Variants in ULK2 observed in about 807,000 individuals in gnomAD.
The protein encoded by ULK2 is unc-51 like autophagy activating kinase 2, also known as serine/threonine-protein kinase ULK2.
ULK2 carries 76 observed loss-of-function variants against 127.5 expected under a neutral mutation model. The ratio of observed to expected loss-of-function variants is 0.60; its 90% CI spans 0.50 to 0.72. ULK2 has a LOEUF of 0.72. Among genes scored for constraint, ULK2 ranks in the 30% least tolerant of loss-of-function variants. The pLI is 0.00. For synonymous variants in ULK2, 452 were observed against 461.9 expected, an observed-to-expected ratio of 0.98 and a Z score of 0.28; for missense variants, 1,144 against 1,295.9, an observed-to-expected ratio of 0.88 and a Z score of 1.80.
intron 14 of ULK2, among the ~76,000 whole-genome samples, chr17:19,807,141 C>A (rs2087531888): frequency 6.6e-6 from 1 of 152,210 alleles, no homozygotes; most frequent in Admixed American, 6.5e-5. Flanking sequence ...GAAACTCAAT[C>A]TAGCAGACTA....
chr17:19,863,115 G>A (rs566688693), intron 3 of ULK2, among the ~76,000 whole-genome samples: 1 of 152,122 alleles, frequency 6.6e-6, no homozygotes, highest in South Asian at 2.1e-4. Context: ...TTGGGAGACT[G>A]AGGCACAAGA....
In ULK2 at chr17:19,850,080, C is replaced by G. The variant is rs1247335235; in HGVS notation, c.226-306G>C. 3.3e-5 allele frequency among the ~76,000 whole-genome samples: 5 copies of G among 152,198 alleles called. No homozygotes were observed. The East Asian group carries it at 5.8e-4, about 18-fold the overall frequency. On this transcript the variant is annotated intron_variant, in intron 3 of 26. Coordinates refer to ENST00000395544, the MANE Select transcript of ULK2 (RefSeq NM_014683.4). Reference sequence around the variant, plus strand: ...AAAACAACAGATCTAGGACAAAAAGCATGGTAAATTTACAATGGGGAAAAA... The same window carrying G: ...AAAACAACAGATCTAGGACAAAAAGGATGGTAAATTTACAATGGGGAAAAA...
rs1233894423 is a variant in ULK2 at position 19,840,410 on chromosome 17, T to A, written c.704+1079A>T. The A allele has an allele frequency of 3.4e-5, 17 of 504,074 alleles. No homozygotes were observed. In the Admixed American group the frequency reaches 4.0e-4, roughly 12 times the overall value. The allele number at this position is 504,074 out of a possible 1,614,324, so 31.2% of individuals were successfully genotyped here. On this transcript the variant is annotated intron_variant, in intron 9 of 26. Coordinates refer to ENST00000395544, the MANE Select transcript of ULK2 (RefSeq NM_014683.4). ...CACTCTTGGGCGCTCTGTGTGCATT[T>A]GGGCCCCTCTTCTTCTGGTATTGTG... is the stretch of plus-strand genomic sequence containing the variant.
chr17:19,853,428 G>A (rs898046350), intron 3 of ULK2, among the ~76,000 whole-genome samples: 12 of 151,272 alleles, frequency 7.9e-5, no homozygotes, highest in African/African-American at 2.4e-4. Context: ...ATGAGCCACC[G>A]CACCTGGCCT....
intron 20 of ULK2, among the ~76,000 whole-genome samples, chr17:19,794,821 A>T (rs2087230893): frequency 6.6e-6 from 1 of 151,832 alleles, no homozygotes; most frequent in Admixed American, 6.6e-5. Context: ...ATTCCTAAAA[A>T]CCCCCAGAAC....
chr17:19,776,441 G>GA (rs1207099399), intron 26 of ULK2, 34 bp from the exon 27 acceptor site: 5 of 1,526,162 alleles, frequency 3.3e-6, no homozygotes, highest in Middle Eastern at 1.8e-4. Flanking sequence ...AAGAACTAAT[G>GA]AAAAAAATCA....
chr17:19,803,702 A>G (rs2087450380), intron 15 of ULK2, among the ~76,000 whole-genome samples: 1 of 152,218 alleles, frequency 6.6e-6, no homozygotes, highest in African/African-American at 2.4e-5. Context: ...ATATTCCATT[A>G]TCAGAGATGG....
At chr17:19,842,195 T>C (rs948074175) in intron 8 of ULK2, among the ~76,000 whole-genome samples, 119 of 142,888 alleles carry the variant, frequency 8.3e-4, no homozygotes, top group African/African-American at 3.0e-3. Context: ...TTTTTCTTTT[T>C]TTTTTTTTTT....
chr17:19,847,384 C>T (rs1225982134), intron 5 of ULK2, among the ~76,000 whole-genome samples: 1 of 152,146 alleles, frequency 6.6e-6, no homozygotes, highest in East Asian at 1.9e-4. Flanking sequence ...CTACCCGTGC[C>T]TGTGAGGCAT....
chr17:19,818,797 C>CTTTT (rs71157835), intron 12 of ULK2, among the ~76,000 whole-genome samples: 27 of 77,720 alleles, frequency 3.5e-4, no homozygotes, highest in Non-Finnish European at 4.2e-4. Context: ...TTTCTTTTTT[C>CTTTT]TTTTTTTTTT....
intron 25 of ULK2, 127 bp downstream of exon 25, chr17:19,780,345 G>A (rs968498234): frequency 1.3e-5 from 10 of 782,786 alleles, no homozygotes; most frequent in Non-Finnish European, 1.9e-5. Context: ...TTTAGTAGAA[G>A]GCAATCCACA....
intron 8 of ULK2, 130 bp downstream of exon 8, chr17:19,842,991 A>G: frequency 5.0e-6 from 4 of 794,278 alleles, no homozygotes; most frequent in Non-Finnish European, 8.6e-6. Flanking sequence ...TTTTGCCTAT[A>G]ACAGAATCAA....
chr17:19,830,097 G>A (rs1012531346), intron 10 of ULK2, among the ~76,000 whole-genome samples: 4 of 152,128 alleles, frequency 2.6e-5, no homozygotes, highest in African/African-American at 4.8e-5. Flanking sequence ...ACAGACACAC[G>A]CAGAGTACTC....
chr17:19,788,288 C>T (rs1239721688), intron 20 of ULK2, among the ~76,000 whole-genome samples: 1 of 151,792 alleles, frequency 6.6e-6, no homozygotes, highest in Non-Finnish European at 1.5e-5. Context: ...CAGCGCAGCT[C>T]ACAGCAACAA....
chr17:19,826,197 A>C lies in ULK2; in HGVS notation c.788-11T>G, dbSNP rs180795516. ...GGCTAAAAAATGCTTCTGTAACAAG[A>C]AATGAGAATGCAACCTTTAAAGAGA... On this transcript the variant is annotated splice_polypyrimidine_tract_variant and intron_variant, in intron 10 of 26. Coordinates refer to ENST00000395544, the MANE Select transcript of ULK2 (RefSeq NM_014683.4). 1.5e-5 allele frequency: 22 copies of C among 1,436,104 alleles called. No individual in the cohort carries two copies. In the Admixed American group the frequency reaches 2.4e-4, roughly 16 times the overall value. The allele number at this position is 1,436,104 out of a possible 1,614,324, so 89.0% of individuals were successfully genotyped here.
chr17:19,825,705 A>G (rs2152392904), intron 11 of ULK2, among the ~76,000 whole-genome samples: 1 of 148,612 alleles, frequency 6.7e-6, no homozygotes, highest in Middle Eastern at 3.6e-3. Flanking sequence ...AAAAAAAAGT[A>G]GCTGGGTGTG....
chr17:19,806,916 A>C (rs1228524982), intron 14 of ULK2, among the ~76,000 whole-genome samples: 2 of 152,242 alleles, frequency 1.3e-5, no homozygotes, highest in Admixed American at 6.5e-5. Context: ...GCACAAATGC[A>C]AATGGACAAA....
At chr17:19,784,005 A>G in intron 21 of ULK2, 100 bp from the exon 22 acceptor site, 1 of 1,117,144 alleles carries the variant, frequency 9.0e-7, no homozygotes, top group Non-Finnish European at 1.2e-6. Context: ...GTGACAAAGG[A>G]AAGTTTCGTT....
chr17:19,855,081 A>C, intron 3 of ULK2, among the ~76,000 whole-genome samples: 1 of 142,438 alleles, frequency 7.0e-6, no homozygotes, highest in Non-Finnish European at 1.5e-5. Context: ...GACTTGGCAA[A>C]AGAACAAGAT....
Sources: gnomAD v4.1 joint callset for allele counts (sites outside exome capture counted in the v4.1 genomes callset) on GRCh38, gnomAD v4.1.1 for gene constraint, MANE v1.5 for transcripts, NCBI Gene and HGNC (gene_info 2026-07-23, HGNC 2026-07-21) for gene names.